STK32B: variants seen among roughly 807,000 people sequenced by gnomAD.
The protein encoded by STK32B is serine/threonine-protein kinase 32B.
Under a neutral mutation model 52.6 loss-of-function variants are expected in STK32B, and 43 were observed. The observed-to-expected ratio is 0.82, with a 90% CI of 0.64 to 1.05. The LOEUF (loss-of-function observed/expected upper bound fraction) is 1.05, where lower values mean the gene tolerates loss of function less well. Among genes scored for constraint, STK32B ranks in the 50% least tolerant of loss-of-function variants. STK32B has a pLI of 0.00. For missense variants in STK32B, 621 were observed against 534.6 expected (o/e 1.16, Z -1.59); for synonymous variants, 238 against 204.3 (o/e 1.17, Z -1.41).
chr4:5,198,074 T>C (rs1721835949), intron 3 of STK32B, among the ~76,000 whole-genome samples: 2 of 152,226 alleles, frequency 1.3e-5, no homozygotes, highest in Admixed American at 1.3e-4. Context: ...CTACCCCCTA[T>C]GATGAACTGT....
At chr4:5,342,513 C>G (rs970170704) in intron 4 of STK32B, among the ~76,000 whole-genome samples, 1 of 151,316 alleles carries the variant, frequency 6.6e-6, no homozygotes, top group Non-Finnish European at 1.5e-5. Context: ...GAACACTTGG[C>G]CATACACTTT....
At chr4:5,231,740 G>A (rs1239912069) in intron 3 of STK32B, among the ~76,000 whole-genome samples, 4 of 152,208 alleles carry the variant, frequency 2.6e-5, no homozygotes, top group Non-Finnish European at 4.4e-5. Flanking sequence ...GCTGAGGACC[G>A]ATGGTCAGGG....
At chr4:5,250,652 A>G (rs1215207280) in intron 3 of STK32B, among the ~76,000 whole-genome samples, 2 of 152,178 alleles carry the variant, frequency 1.3e-5, no homozygotes, top group African/African-American at 2.4e-5. Context: ...TACTTTCCAC[A>G]GTGACTAAAC....
chr4:5,091,239 CA>C (rs1713063880), intron 1 of STK32B, among the ~76,000 whole-genome samples: 1 of 151,874 alleles, frequency 6.6e-6, no homozygotes, highest in South Asian at 2.1e-4. Flanking sequence ...TAGATTTCAT[CA>C]AAATTAAATA....
At chr4:5,351,974 G>A (rs1336812928) in intron 4 of STK32B, among the ~76,000 whole-genome samples, 1 of 151,882 alleles carries the variant, frequency 6.6e-6, no homozygotes, top group East Asian at 1.9e-4. Context: ...TCTCAAAAAA[G>A]AAAAGTCCAG....
At chr4:5,246,525 C>T (rs1227582100) in intron 3 of STK32B, among the ~76,000 whole-genome samples, 1 of 152,122 alleles carries the variant, frequency 6.6e-6, no homozygotes, top group African/African-American at 2.4e-5. Context: ...CAAACTTCCT[C>T]CTTTAGCTCG....
chr4:5,421,214 C>A (rs1712617450), intron 6 of STK32B, among the ~76,000 whole-genome samples: 2 of 152,278 alleles, frequency 1.3e-5, no homozygotes, highest in African/African-American at 4.8e-5. Context: ...CTTAGCCTCC[C>A]AAGTAGCTGG....
Position 5,159,696 on chromosome 4 carries a change from AAT to A in STK32B, c.109-8596_109-8595del, listed in dbSNP as rs370277730. ...ATGAATATATATATGAATATATATG[AAT>A]ATATATGAATATATATATGAATGTA... On this transcript the variant is annotated intron_variant, in intron 2 of 11. Coordinates refer to ENST00000282908, the MANE Select transcript of STK32B (RefSeq NM_018401.3). 1.3e-4 allele frequency among the ~76,000 whole-genome samples: 13 copies of A among 101,348 alleles called. 2 individuals carry two copies. The highest frequency in any genetic ancestry group is 5.5e-4 in the Admixed American group (5 of 9,100). The allele number at this position is 101,348 out of a possible 152,430, so 66.5% of individuals were successfully genotyped here.
At chr4:5,154,585 G>T (rs1283521263) in intron 2 of STK32B, among the ~76,000 whole-genome samples, 1 of 152,138 alleles carries the variant, frequency 6.6e-6, no homozygotes, top group African/African-American at 2.4e-5. Flanking sequence ...GAAGGATCTG[G>T]GTATCCACAT....
chr4:5,134,038 A>G (rs1715924771), intron 1 of STK32B, among the ~76,000 whole-genome samples: 2 of 152,126 alleles, frequency 1.3e-5, no homozygotes, highest in Admixed American at 1.3e-4. Context: ...CCATCAACAG[A>G]TAGGACCTCT....
intron 3 of STK32B, among the ~76,000 whole-genome samples, chr4:5,235,028 A>G (rs886529743): frequency 3.3e-5 from 5 of 152,238 alleles, no homozygotes; most frequent in African/African-American, 1.2e-4. Flanking sequence ...AGTTGAGTTC[A>G]TTATGATGTT....
Position 5,051,610 on chromosome 4 carries a change from C to A in STK32B, c.-254C>A, listed in dbSNP as rs1741782984. The A allele has an allele frequency of 2.0e-6, 1 of 497,644 alleles. No homozygotes were observed. The highest frequency in any genetic ancestry group is 3.5e-6 in the Non-Finnish European group (1 of 286,700). 30.8% of individuals were successfully genotyped at this position (497,644 alleles called of 1,614,324 possible). A position where few individuals can be genotyped will look rare whatever the true frequency, so the allele number is the denominator to read the frequency against. On this transcript the variant is annotated 5_prime_UTR_variant, in exon 1 of 12. Transcript: ENST00000282908. ...GGGCGGGCACTGGAGTAAGGAGCTGCGAGCGCAGCCCGAGGCGGGGCACGG... is the reference window on the plus strand; with the variant it reads ...GGGCGGGCACTGGAGTAAGGAGCTGAGAGCGCAGCCCGAGGCGGGGCACGG...
intron 1 of STK32B, among the ~76,000 whole-genome samples, chr4:5,059,525 T>G (rs968537083): frequency 1.3e-5 from 2 of 152,244 alleles, no homozygotes; most frequent in Non-Finnish European, 2.9e-5. Flanking sequence ...GATTTTTAAA[T>G]GTTAAATCAA....
At chr4:5,258,395 C>A (rs1271317449) in intron 3 of STK32B, among the ~76,000 whole-genome samples, 2 of 152,088 alleles carry the variant, frequency 1.3e-5, no homozygotes, top group African/African-American at 2.4e-5. Context: ...ACCTAACATA[C>A]CCCCAGTTCT....
intron 3 of STK32B, among the ~76,000 whole-genome samples, chr4:5,327,935 C>T (rs777949233): frequency 1.3e-5 from 2 of 152,232 alleles, no homozygotes; most frequent in African/African-American, 2.4e-5. Context: ...CACCAGTGAT[C>T]TGAGCTAGAT....
intron 4 of STK32B, among the ~76,000 whole-genome samples, chr4:5,332,737 A>C (rs1732358268): frequency 6.6e-6 from 1 of 152,116 alleles, no homozygotes; most frequent in Admixed American, 6.6e-5. Flanking sequence ...ATGAGTGAGA[A>C]CATGCGGTGT....
At position 5,480,651 on chromosome 4, in the gene STK32B, G is replaced by A. The variant is rs368712230; in HGVS notation, c.1106+12581G>A. ...CAACGTGCAGGTTAGTTACATTTGTGTACATGTGCCATGTTGGTGTGCTGC... is the reference window on the plus strand; with the variant it reads ...CAACGTGCAGGTTAGTTACATTTGTATACATGTGCCATGTTGGTGTGCTGC... On this transcript the variant is annotated intron_variant, in intron 11 of 11. Coordinates refer to ENST00000282908, the MANE Select transcript of STK32B (RefSeq NM_018401.3). Among the ~76,000 whole-genome samples, 60 of 151,768 alleles carry A rather than the reference G, an allele frequency of 4.0e-4. 1 individual carries two copies. The Middle Eastern group carries it at 0.014, about 34-fold the overall frequency.
chr4:5,046,263 G>A, the STK32B span, among the ~76,000 whole-genome samples: 3 of 152,108 alleles, frequency 2.0e-5, no homozygotes, highest in African/African-American at 7.2e-5. Context: ...CAAGCAGTGG[G>A]GAAAGGATCT....
rs1716263769 is a variant in STK32B at position 5,453,988 on chromosome 4, C to T, written c.667-2819C>T. 6.6e-6 allele frequency among the ~76,000 whole-genome samples: 1 copy of T among 152,124 alleles called. No individual in the cohort carries two copies. On this transcript the variant is annotated intron_variant, in intron 7 of 11. Coordinates refer to ENST00000282908, the MANE Select transcript of STK32B (RefSeq NM_018401.3). This position sits in a 1 kb window ranked among gnomAD's most constrained non-coding sequence, Gnocchi z 4.0. ...GAGCTCTGGGTCTCCTGTCCCTGCC[C>T]CTGTGGAAATTATAGAGAACTGCCC...
Sources: allele counts gnomAD v4.1 joint callset (sites outside exome capture counted in the v4.1 genomes callset), GRCh38; gene constraint gnomAD v4.1.1; non-coding constraint Gnocchi (gnomAD v3.1); transcripts MANE v1.5; gene names NCBI Gene and HGNC (gene_info 2026-07-23, HGNC 2026-07-21).